KIF26B: variants seen among roughly 807,000 people sequenced by gnomAD.
KIF26B encodes kinesin-like protein KIF26B.
Under a neutral mutation model 151.2 loss-of-function variants are expected in KIF26B, and 63 were observed. That is an observed-to-expected ratio of 0.42 (90% CI 0.34 to 0.51). KIF26B has a LOEUF of 0.51. Ranked by LOEUF, KIF26B falls within the 20% of genes least tolerant of loss-of-function variation. The pLI is 0.07. For synonymous variants in KIF26B, 1,357 were observed against 1,262.1 expected (o/e 1.08, Z -1.59); for missense variants, 2,813 against 2,913.6 (o/e 0.97, Z 0.79).
At chr1:245,435,158 TCCATCCATCCATCCAC>T (rs1294750093) in intron 4 of KIF26B, among the ~76,000 whole-genome samples, 2 of 151,480 alleles carry the variant, frequency 1.3e-5, no homozygotes, top group African/African-American at 4.8e-5. Flanking sequence ...CATCCATCCA[TCCATCCATCCATCCAC>T]CCACCCAACC....
At position 245,708,106 on chromosome 1, in the gene KIF26B, G is replaced by C. The variant is rs1475191388; in HGVS notation, c.*5500G>C. On this transcript the variant is annotated 3_prime_UTR_variant, in exon 15 of 15. Transcript: ENST00000407071. Reference sequence around the variant, plus strand: ...GGGCTAGGCCTTGAGCTAGGAGCAAGGACATGGGCCGCCAGGCCTGGTTGT... The same window carrying C: ...GGGCTAGGCCTTGAGCTAGGAGCAACGACATGGGCCGCCAGGCCTGGTTGT... 1.3e-5 allele frequency: 2 copies of C among 152,236 alleles called. No individual in the cohort carries two copies. The highest frequency in any genetic ancestry group is 6.5e-5 in the Admixed American group (1 of 15,286). The allele number at this position is 152,236 out of a possible 1,614,324, so 9.4% of individuals were successfully genotyped here. A position where few individuals can be genotyped will look rare whatever the true frequency, so the allele number is the denominator to read the frequency against.
intron 2 of KIF26B, among the ~76,000 whole-genome samples, chr1:245,268,197 C>G (rs537542978): frequency 2.0e-5 from 3 of 152,004 alleles, no homozygotes; most frequent in African/African-American, 4.8e-5. Flanking sequence ...AGGCCTGGCG[C>G]GGTGGCTCAT....
intron 5 of KIF26B, among the ~76,000 whole-genome samples, chr1:245,545,945 A>C (rs2103105835): frequency 6.6e-6 from 1 of 152,334 alleles, no homozygotes; most frequent in Non-Finnish European, 1.5e-5. Flanking sequence ...TGACTTGCTA[A>C]GTATATGGCT....
chr1:245,328,788 G>A (rs61829599), intron 2 of KIF26B, among the ~76,000 whole-genome samples: 8,712 of 152,272 alleles, frequency 0.057, 512 homozygotes, highest in Admixed American at 0.19. Context: ...CAGGGTTTGA[G>A]ACAGGTCCAG....
At chr1:245,238,814 T>C (rs1051445891) in intron 2 of KIF26B, among the ~76,000 whole-genome samples, 1 of 151,622 alleles carries the variant, frequency 6.6e-6, no homozygotes, top group Non-Finnish European at 1.5e-5. Flanking sequence ...GTGAGCTGAG[T>C]TGGTGCCACT....
chr1:245,585,719 G>T (rs901095453), intron 5 of KIF26B, among the ~76,000 whole-genome samples: 1 of 152,124 alleles, frequency 6.6e-6, no homozygotes, highest in East Asian at 1.9e-4. Flanking sequence ...CAAATACATT[G>T]TCATCCTTAG....
At chr1:245,570,814 A>G (rs2043060200) in intron 5 of KIF26B, among the ~76,000 whole-genome samples, 1 of 152,184 alleles carries the variant, frequency 6.6e-6, no homozygotes, top group Admixed American at 6.5e-5. Flanking sequence ...CTCAAACTGA[A>G]ATTGTTGTAT....
chr1:245,348,404 G>A (rs1042558139), intron 2 of KIF26B, among the ~76,000 whole-genome samples: 3 of 152,178 alleles, frequency 2.0e-5, no homozygotes, highest in African/African-American at 7.2e-5. Flanking sequence ...ACCACAGTCT[G>A]GGTGGCTTAT....
chr1:245,445,911 G>A (rs1659240162), intron 4 of KIF26B, among the ~76,000 whole-genome samples: 1 of 152,148 alleles, frequency 6.6e-6, no homozygotes, highest in South Asian at 2.1e-4. Flanking sequence ...CTCTTATCAT[G>A]AATTCCAGGG....
At chr1:245,589,430 A>G (rs748007718) in intron 5 of KIF26B, among the ~76,000 whole-genome samples, 1 of 152,170 alleles carries the variant, frequency 6.6e-6, no homozygotes, top group Non-Finnish European at 1.5e-5. Context: ...GGCACTGAGA[A>G]GGGGGCTGAT....
At chr1:245,332,373 A>G (rs908075861) in intron 2 of KIF26B, among the ~76,000 whole-genome samples, 10 of 152,252 alleles carry the variant, frequency 6.6e-5, no homozygotes, top group African/African-American at 2.4e-4. Flanking sequence ...ATTTCAGGTC[A>G]GAATGGGGGT....
intron 2 of KIF26B, among the ~76,000 whole-genome samples, chr1:245,284,708 TGTG>T (rs1671134484): frequency 1.3e-5 from 2 of 152,198 alleles, no homozygotes; most frequent in South Asian, 4.1e-4. Flanking sequence ...TTTGCCCTAA[TGTG>T]GTGTAACAAG....
At chr1:245,264,570 T>C (rs376929558) in intron 2 of KIF26B, among the ~76,000 whole-genome samples, 5 of 151,590 alleles carry the variant, frequency 3.3e-5, no homozygotes, top group African/African-American at 1.2e-4. Context: ...TTCTAGATTA[T>C]TGTTCTTAAA....
Position 245,686,586 on chromosome 1 carries a change from C to T in KIF26B, c.3603C>T (p.Val1201=). The T allele has an allele frequency of 1.2e-6, 2 of 1,612,326 alleles. No homozygotes were observed. Among genetic ancestry groups the T allele is most frequent in the Non-Finnish European group, 8.5e-7 (1 of 1,179,516 alleles). Residue 1201 remains valine, a synonymous_variant, in exon 12 of 15, where the codon GTC becomes GTT. Transcript: ENST00000407071. The surrounding 1 kb of genome is among the most constrained non-coding windows in gnomAD (Gnocchi z 5.6). ...TGGAGGAGCTGACCATCAGCGGGGT[C>T]CTGGACAGCGGCCGCCCCACCAGCA... is the stretch of plus-strand genomic sequence containing the variant. The part of the protein sequence containing the change: ...TLVEELTISG[V]LDSGRPTSII...
intron 3 of KIF26B, among the ~76,000 whole-genome samples, chr1:245,387,776 T>C (rs819887): frequency 0.68 from 103,724 of 152,078 alleles, 35,591 homozygotes; most frequent in African/African-American, 0.75. Flanking sequence ...CAGGGCTGCT[T>C]TGACACCTGC....
rs747675299 is a variant in KIF26B at position 245,540,271 on chromosome 1, G to T, written c.1167-496G>T. ...CAGTTTGATTTTTCCTGTTGCACTGGGGCTTGTGTTTTTCTTCCAGTGCCC... is the reference window on the plus strand; with the variant it reads ...CAGTTTGATTTTTCCTGTTGCACTGTGGCTTGTGTTTTTCTTCCAGTGCCC... On this transcript the variant is annotated intron_variant, in intron 4 of 14. Transcript: ENST00000407071. This position sits in a 1 kb window ranked among gnomAD's most constrained non-coding sequence, Gnocchi z 4.6. 2.6e-5 allele frequency among the ~76,000 whole-genome samples: 4 copies of T among 152,166 alleles called. No homozygotes were observed.
At position 245,352,794 on chromosome 1, in the gene KIF26B, G is replaced by A. The variant is rs527381141; in HGVS notation, c.466-14040G>A. 2.0e-4 allele frequency among the ~76,000 whole-genome samples: 31 copies of A among 152,116 alleles called. 1 individual carries two copies. The South Asian group carries it at 6.5e-3, about 32-fold the overall frequency. On this transcript the variant is annotated intron_variant, in intron 2 of 14. Coordinates refer to ENST00000407071, the MANE Select transcript of KIF26B (RefSeq NM_018012.4). The surrounding 1 kb of genome is among the most constrained non-coding windows in gnomAD (Gnocchi z 5.0). ...ACTAGTACGGGTTCCCCAACCCCAC[G>A]ACTAGAACTATCTTAGTGGTTTCTT...
intron 2 of KIF26B, among the ~76,000 whole-genome samples, chr1:245,205,371 C>T (rs1460941511): frequency 6.6e-6 from 1 of 152,094 alleles, no homozygotes; most frequent in Non-Finnish European, 1.5e-5. Flanking sequence ...ATACTAATTC[C>T]TATTCTATAG....
At chr1:245,415,069 A>G (rs373789862) in intron 3 of KIF26B, among the ~76,000 whole-genome samples, 1 of 152,188 alleles carries the variant, frequency 6.6e-6, no homozygotes, top group South Asian at 2.1e-4. Flanking sequence ...ATAGCCAACC[A>G]GTCTACATAA....
Sources: allele counts gnomAD v4.1 joint callset (sites outside exome capture counted in the v4.1 genomes callset), GRCh38; gene constraint gnomAD v4.1.1; non-coding constraint Gnocchi (gnomAD v3.1); transcripts MANE v1.5; gene names NCBI Gene and HGNC (gene_info 2026-07-23, HGNC 2026-07-21).